FRA10AC1: variants seen among roughly 807,000 people sequenced by gnomAD.
FRA10AC1 encodes the protein FRA10A associated CGG repeat 1, also known as protein FRA10AC1.
FRA10AC1 carries 43 observed loss-of-function variants against 56.5 expected under a neutral mutation model. That is an observed-to-expected ratio of 0.76 (90% confidence interval 0.60 to 0.98). The LOEUF (loss-of-function observed/expected upper bound fraction) is 0.98, where lower values mean the gene tolerates loss of function less well. Among genes scored for constraint, FRA10AC1 ranks in the 50% least tolerant of loss-of-function variants. The pLI is 0.00. For synonymous variants in FRA10AC1, 112 were observed against 110.5 expected (o/e 1.01, Z -0.09); for missense variants, 346 against 351.8 (o/e 0.98, Z 0.13).
At chr10:93,691,231 A>G (rs182619374) in intron 7 of FRA10AC1, among the ~76,000 whole-genome samples, 81 of 152,300 alleles carry the variant, frequency 5.3e-4, no homozygotes, top group African/African-American at 1.9e-3. Flanking sequence ...ACTGAAATGC[A>G]GTGGCACGAT....
intron 10 of FRA10AC1, 104 bp from the exon 11 acceptor site, chr10:93,681,702 T>G (rs2058938447): frequency 9.5e-7 from 1 of 1,047,854 alleles, no homozygotes; most frequent in Non-Finnish European, 1.3e-6. Context: ...AATACTTATT[T>G]TTTAAATGTG....
In FRA10AC1 at chr10:93,692,728, C is replaced by T. The variant is rs148213269; in HGVS notation, c.298G>A (p.Glu100Lys). Residue 100 changes from glutamate to lysine, a missense_variant and splice_region_variant, in exon 6 of 14, where the codon GAA becomes AAA. Glu to Lys is a moderately conservative substitution (Grantham distance 56). Coordinates refer to ENST00000359204, the MANE Select transcript of FRA10AC1 (RefSeq NM_145246.5). ...GKKEDFKRLGENDKTDLDVIR... is the reference protein window; with the variant it reads ...GKKEDFKRLGKNDKTDLDVIR... The stretch of plus-strand genomic sequence containing the variant: ...ACATCCAAGTCTGTCTTGTCATTTT[C>T]CCTGGAAAACAGAACTTTTTCAATT... The T allele has an allele frequency of 9.9e-5, 155 of 1,570,302 alleles. 2 individuals carry two copies. In the African/African-American group the frequency reaches 1.7e-3, roughly 17 times the overall value.
chr10:93,670,616 A>G (rs181863195), intron 13 of FRA10AC1, among the ~76,000 whole-genome samples, 154 bp downstream of exon 13: 35 of 152,268 alleles, frequency 2.3e-4, no homozygotes, highest in African/African-American at 8.4e-4. Context: ...GCTTATGACA[A>G]TGGCTGGGAA....
chr10:93,682,301 A>G (rs1288868606), intron 10 of FRA10AC1, among the ~76,000 whole-genome samples: 1 of 152,224 alleles, frequency 6.6e-6, no homozygotes, highest in African/African-American at 2.4e-5. Context: ...TTACTTTCAA[A>G]AAACTTGTTC....
upstream of FRA10AC1, among the ~76,000 whole-genome samples, chr10:93,702,737 A>G (rs1227094638): frequency 6.6e-6 from 1 of 152,070 alleles, no homozygotes; most frequent in Non-Finnish European, 1.5e-5. Flanking sequence ...GCTTTCGCCA[A>G]GTCGCGGCTC....
Position 93,669,758 on chromosome 10 carries a change from T to C in FRA10AC1, c.*68A>G. 1 of 1,055,040 alleles carries C rather than the reference T, an allele frequency of 9.5e-7. No individual in the cohort carries two copies. The highest frequency in any genetic ancestry group is 2.5e-5 in the East Asian group (1 of 39,658). 65.4% of individuals were successfully genotyped at this position (1,055,040 alleles called of 1,614,324 possible). A position where few individuals can be genotyped will look rare whatever the true frequency, so the allele number is the denominator to read the frequency against. The stretch of plus-strand genomic sequence containing the variant: ...TGCAGATAAAAACTTATATGGAATT[T>C]CAAATTGCATGAAGTTTAAAACTTC... On this transcript the variant is annotated 3_prime_UTR_variant, in exon 14 of 14. Transcript: ENST00000359204.
intron 12 of FRA10AC1, 55 bp from the exon 13 acceptor site, chr10:93,670,903 T>C: frequency 1.7e-6 from 2 of 1,170,848 alleles, no homozygotes; most frequent in Non-Finnish European, 2.5e-6. Flanking sequence ...AAGCACATTT[T>C]GAATTATTCG....
intron 12 of FRA10AC1, chr10:93,672,128 G>GA: frequency 2.3e-6 from 1 of 425,750 alleles, no homozygotes; most frequent in South Asian, 1.8e-5. Flanking sequence ...TGTCAATACA[G>GA]AATGTCCTTT....
intron 7 of FRA10AC1, among the ~76,000 whole-genome samples, chr10:93,688,551 T>C (rs1488054606): frequency 6.6e-6 from 1 of 152,186 alleles, no homozygotes; most frequent in Non-Finnish European, 1.5e-5. Context: ...GTAACAAATG[T>C]ACCCCTCTGG....
intron 12 of FRA10AC1, chr10:93,673,683 C>T (rs557890543): frequency 9.9e-5 from 38 of 385,654 alleles, no homozygotes; most frequent in Non-Finnish European, 1.8e-4. Flanking sequence ...ATTTATATGT[C>T]TGTATTTTTC....
chr10:93,702,191 A>G (rs557784600), intron 1 of FRA10AC1, among the ~76,000 whole-genome samples, 184 bp downstream of exon 1: 1 of 151,620 alleles, frequency 6.6e-6, no homozygotes, highest in African/African-American at 2.4e-5. Context: ...CTACGAATCA[A>G]CTGACAAGAG....
At chr10:93,681,821 C>T (rs1452423452) in intron 10 of FRA10AC1, among the ~76,000 whole-genome samples, 2 of 151,976 alleles carry the variant, frequency 1.3e-5, no homozygotes, top group South Asian at 4.1e-4. Flanking sequence ...CAAATAATTA[C>T]TTTCTATAAG....
upstream of FRA10AC1, chr10:93,702,951 TC>T (rs2059369294): frequency 4.4e-6 from 2 of 455,690 alleles, no homozygotes; most frequent in Non-Finnish European, 8.8e-6. Flanking sequence ...GCGCTTCAGA[TC>T]AGCCTCTCCC....
At position 93,668,915 on chromosome 10, in the gene FRA10AC1, A is replaced by C. The variant is rs2058719205; in HGVS notation, c.*911T>G. 1 of 152,162 alleles carries C rather than the reference A, an allele frequency of 6.6e-6. No homozygotes were observed. Among genetic ancestry groups the C allele is most frequent in the South Asian group, 2.1e-4 (1 of 4,826 alleles). 9.4% of individuals were successfully genotyped at this position (152,162 alleles called of 1,614,324 possible). ...ATTCATATTTGCATGAGTATATCTGAGGCAAGATACATGCACATAGTATTA... is the reference window on the plus strand; with the variant it reads ...ATTCATATTTGCATGAGTATATCTGCGGCAAGATACATGCACATAGTATTA... On this transcript the variant is annotated 3_prime_UTR_variant, in exon 14 of 14. Coordinates refer to ENST00000359204, the MANE Select transcript of FRA10AC1 (RefSeq NM_145246.5).
chr10:93,677,648 T>C (rs2058865880), intron 11 of FRA10AC1, among the ~76,000 whole-genome samples: 2 of 152,294 alleles, frequency 1.3e-5, no homozygotes, highest in Non-Finnish European at 2.9e-5. Flanking sequence ...TAAAGCTTTA[T>C]TTTTGATAGT....
intron 1 of FRA10AC1, among the ~76,000 whole-genome samples, chr10:93,701,006 A>T (rs1054479993): frequency 3.7e-4 from 56 of 150,314 alleles, no homozygotes; most frequent in South Asian, 3.2e-3. Flanking sequence ...ACTTAAAAAA[A>T]TTTTTTTTTT....
chr10:93,689,496 T>C (rs1356460645), intron 7 of FRA10AC1, among the ~76,000 whole-genome samples: 1 of 152,154 alleles, frequency 6.6e-6, no homozygotes, highest in Non-Finnish European at 1.5e-5. Context: ...TGTTAGGATG[T>C]CTACTGAAGC....
chr10:93,689,151 G>T (rs568450149), intron 7 of FRA10AC1, among the ~76,000 whole-genome samples: 2 of 149,914 alleles, frequency 1.3e-5, no homozygotes, highest in Non-Finnish European at 3.0e-5. Context: ...ATAGAGACAA[G>T]GTCTCACTAT....
chr10:93,672,095 A>C (rs1245140366), intron 12 of FRA10AC1: 2 of 448,694 alleles, frequency 4.5e-6, no homozygotes, highest in East Asian at 1.4e-4. Flanking sequence ...TTAGTCTAAA[A>C]AAGAAATGGC....
Sources: allele counts gnomAD v4.1 joint callset (sites outside exome capture counted in the v4.1 genomes callset), GRCh38; gene constraint gnomAD v4.1.1; transcripts MANE v1.5; gene names NCBI Gene and HGNC (gene_info 2026-07-23, HGNC 2026-07-21).